VIPR2: variants seen among roughly 807,000 people sequenced by gnomAD.
The protein encoded by VIPR2 is vasoactive intestinal peptide receptor 2, also known as vasoactive intestinal polypeptide receptor 2.
VIPR2 carries 48 observed loss-of-function variants against 58.0 expected under a neutral mutation model. The observed-to-expected ratio is 0.83, with a 90% CI of 0.66 to 1.05. The LOEUF (loss-of-function observed/expected upper bound fraction) is 1.05. Among genes scored for constraint, VIPR2 ranks in the 50% least tolerant of loss-of-function variants. VIPR2 has a pLI of 0.00. For synonymous variants in VIPR2, 243 were observed against 235.2 expected, an observed-to-expected ratio of 1.03 and a Z score of -0.30; for missense variants, 534 against 558.0, an observed-to-expected ratio of 0.96 and a Z score of 0.43.
chr7:159,120,237 T>G (rs1032633451), intron 2 of VIPR2, among the ~76,000 whole-genome samples: 6 of 152,226 alleles, frequency 3.9e-5, no homozygotes, highest in African/African-American at 1.4e-4. Flanking sequence ...GTATTTGTCA[T>G]TCTCCTCACC....
At chr7:159,050,728 C>T (rs1009477197) in intron 5 of VIPR2, among the ~76,000 whole-genome samples, 7 of 152,062 alleles carry the variant, frequency 4.6e-5, no homozygotes, top group African/African-American at 1.7e-4. Flanking sequence ...TGAAGAGATG[C>T]TAGCCACAAG....
At chr7:159,062,388 T>G (rs1414827191) in intron 4 of VIPR2, among the ~76,000 whole-genome samples, 2 of 152,166 alleles carry the variant, frequency 1.3e-5, no homozygotes, top group Non-Finnish European at 2.9e-5. Context: ...AAAGGTAATG[T>G]GTCCCCAGTT....
intron 4 of VIPR2, among the ~76,000 whole-genome samples, chr7:159,070,524 T>C (rs1183779683): frequency 6.6e-6 from 1 of 152,182 alleles, no homozygotes; most frequent in Non-Finnish European, 1.5e-5. Flanking sequence ...ATTCATTCTA[T>C]CCAGGACATT....
rs183250642 is a variant in VIPR2 at position 159,062,727 on chromosome 7, C to T, written c.358-4149G>A. On this transcript the variant is annotated intron_variant, in intron 4 of 12. Transcript: ENST00000262178. The stretch of plus-strand genomic sequence containing the variant: ...GGGCAAAAGAACACGACTGCCACAG[C>T]ACATAAGGAGACCCAGTGAATTGTC... Among the ~76,000 whole-genome samples, 5 of 152,326 alleles carry T rather than the reference C, an allele frequency of 3.3e-5. No individual in the cohort carries two copies. The East Asian group carries it at 9.7e-4, about 29-fold the overall frequency.
chr7:159,044,426 C>T (rs1854523309), intron 5 of VIPR2, among the ~76,000 whole-genome samples: 1 of 151,330 alleles, frequency 6.6e-6, no homozygotes, highest in Non-Finnish European at 1.5e-5. Context: ...AAATATAAAG[C>T]AAAAAATAAT....
At position 159,049,147 on chromosome 7, in the gene VIPR2, C is replaced by A. The variant is rs1370590347; in HGVS notation, c.456-5971G>T. On this transcript the variant is annotated intron_variant, in intron 5 of 12. Transcript: ENST00000262178. ...ACCCTCATCAAATGTCAACATGAAC[C>A]TTTCTTGGGGCTTAACTTTATGTGA... Among the ~76,000 whole-genome samples the A allele has an allele frequency of 2.6e-5, 4 of 152,332 alleles. No homozygotes were observed. In the South Asian group the frequency reaches 6.2e-4, roughly 24 times the overall value.
At chr7:159,142,354 AT>A in intron 2 of VIPR2, 91 bp downstream of exon 2, 1 of 773,814 alleles carries the variant, frequency 1.3e-6, no homozygotes. Flanking sequence ...TTTTTTTAAG[AT>A]GCAGGTGGTG....
At chr7:159,054,426 CGT>C (rs1855184158) in intron 5 of VIPR2, among the ~76,000 whole-genome samples, 2 of 151,994 alleles carry the variant, frequency 1.3e-5, no homozygotes, top group Non-Finnish European at 2.9e-5. Flanking sequence ...AGACAAAATC[CGT>C]AATACTCGTA....
At chr7:159,118,126 A>G (rs1018300177) in intron 2 of VIPR2, among the ~76,000 whole-genome samples, 1 of 152,158 alleles carries the variant, frequency 6.6e-6, no homozygotes, top group Non-Finnish European at 1.5e-5. Context: ...GGGCTGAAGG[A>G]TGAGCCACTC....
chr7:159,080,687 G>A (rs1018807343), intron 4 of VIPR2, among the ~76,000 whole-genome samples: 4 of 152,216 alleles, frequency 2.6e-5, no homozygotes, highest in African/African-American at 9.7e-5. Context: ...GTCCCTGTTT[G>A]CAGATGACAT....
chr7:159,124,364 ACTAGCCAG>A (rs1472689878), intron 2 of VIPR2, among the ~76,000 whole-genome samples: 13 of 152,212 alleles, frequency 8.5e-5, no homozygotes, highest in Admixed American at 7.2e-4. Flanking sequence ...CCCACATATG[ACTAGCCAG>A]TTATCCCAGC....
chr7:159,036,714 G>A (rs1853982726), intron 7 of VIPR2, 38 bp downstream of exon 7: 1 of 1,591,044 alleles, frequency 6.3e-7, no homozygotes, highest in South Asian at 1.1e-5. Flanking sequence ...CCGATGGGAT[G>A]GGATGGAGGG....
intron 4 of VIPR2, among the ~76,000 whole-genome samples, chr7:159,076,756 T>A (rs1353864311): frequency 6.6e-6 from 1 of 152,264 alleles, no homozygotes; most frequent in African/African-American, 2.4e-5. Context: ...CAAATGTTTT[T>A]TAAGTTCATG....
chr7:159,070,526 C>T (rs2129494520), intron 4 of VIPR2, among the ~76,000 whole-genome samples: 1 of 152,130 alleles, frequency 6.6e-6, no homozygotes, highest in Non-Finnish European at 1.5e-5. Context: ...TCATTCTATC[C>T]AGGACATTCA....
intron 2 of VIPR2, among the ~76,000 whole-genome samples, chr7:159,136,238 G>A (rs900908132): frequency 1.3e-5 from 2 of 152,120 alleles, no homozygotes; most frequent in African/African-American, 4.8e-5. Flanking sequence ...TGTAGTGAGG[G>A]GGCTGAGCGT....
chr7:159,144,388 G>C, intron 1 of VIPR2: 3 of 1,543,648 alleles, frequency 1.9e-6, no homozygotes, highest in Non-Finnish European at 2.6e-6. Flanking sequence ...GGCGCCCGCA[G>C]CTCCCAGCTC....
intron 4 of VIPR2, among the ~76,000 whole-genome samples, chr7:159,081,555 T>C (rs1033792664): frequency 6.6e-6 from 1 of 152,220 alleles, no homozygotes; most frequent in Non-Finnish European, 1.5e-5. Context: ...GACATAGGCA[T>C]GGGCAAGGAC....
chr7:159,043,564 T>C (rs1264447674), intron 5 of VIPR2, among the ~76,000 whole-genome samples: 1 of 151,932 alleles, frequency 6.6e-6, no homozygotes, highest in Non-Finnish European at 1.5e-5. Flanking sequence ...CTCAAAGGCT[T>C]ATGCCAACCA....
chr7:159,112,978 C>A (rs1043426942), intron 2 of VIPR2, among the ~76,000 whole-genome samples: 1 of 152,170 alleles, frequency 6.6e-6, no homozygotes, highest in African/African-American at 2.4e-5. Flanking sequence ...AGGAGGCTCA[C>A]AATGCCTGCC....
Sources: allele counts gnomAD v4.1 joint callset (sites outside exome capture counted in the v4.1 genomes callset), GRCh38; gene constraint gnomAD v4.1.1; transcripts MANE v1.5; gene names NCBI Gene and HGNC (gene_info 2026-07-23, HGNC 2026-07-21).